Variants in SPEG observed in about 807,000 individuals in gnomAD.
SPEG encodes striated muscle preferentially expressed protein kinase.
A neutral mutation model predicts 300.4 loss-of-function variants in SPEG; 114 were observed. The observed-to-expected ratio is 0.38, with a 90% CI of 0.33 to 0.44. The LOEUF is 0.44. Ranked by LOEUF, SPEG falls within the 20% of genes least tolerant of loss-of-function variation. The pLI is 1.00. For synonymous variants in SPEG, 1,964 were observed against 2,018.9 expected (o/e 0.97, Z 0.73); for missense variants, 4,201 against 4,586.2 (o/e 0.92, Z 2.43).
chr2:219,483,977 G>T lies in SPEG; in HGVS notation c.6514G>T (p.Glu2172Ter). ...GTCTCCTTCCCTGTCTGCCCTCAGCGAGGCCCAGCCATCCAGCCCTGCACG... is the reference window on the plus strand; with the variant it reads ...GTCTCCTTCCCTGTCTGCCCTCAGCTAGGCCCAGCCATCCAGCCCTGCACG... The part of the protein sequence containing the change: ...QESPSLSALS[E>*]AQPSSPARPS... Residue 2172 changes from glutamate (E) to a stop codon, truncating the protein, a stop_gained, in exon 30 of 41, where the codon GAG becomes TAG. Transcript: ENST00000312358. LOFTEE classifies it high-confidence loss of function. 6.2e-7 allele frequency: 1 copy of T among 1,610,170 alleles called. No homozygotes were observed.
chr2:219,484,450 G>T lies in SPEG; in HGVS notation c.6987G>T (p.Ser2329=), dbSNP rs368733695. 1 of 1,611,272 alleles carries T rather than the reference G, an allele frequency of 6.2e-7. No homozygotes were observed. The highest frequency in any genetic ancestry group is 2.2e-5 in the East Asian group (1 of 44,862). ...SLSSSIENLE[S]EAVFEAKFKR... ...GTAGCAGCATCGAAAACTTGGAGTC[G>T]GAGGCCGTGTTCGAGGCCAAGTTCA... is the stretch of plus-strand genomic sequence containing the variant. The change falls in exon 30 of 41, where the codon TCG becomes TCT. Residue 2329 remains serine, a synonymous_variant. Coordinates refer to ENST00000312358, the MANE Select transcript of SPEG (RefSeq NM_005876.5).
chr2:219,472,375 G>A (rs766027534), intron 15 of SPEG, 44 bp downstream of exon 15: 1 of 1,548,936 alleles, frequency 6.5e-7, no homozygotes, highest in African/African-American at 1.4e-5. Flanking sequence ...AAGGGGTGTG[G>A]AGAAGGCAGG....
At position 219,448,877 on chromosome 2, in the gene SPEG, C is replaced by CCG; in HGVS notation, c.1722_1723dup (p.Gly575AlafsTer25). The CCG allele has an allele frequency of 7.1e-7, 1 of 1,409,064 alleles. No individual in the cohort carries two copies. Among genetic ancestry groups the CCG allele is most frequent in the Non-Finnish European group, 9.2e-7 (1 of 1,090,424 alleles). The allele number at this position is 1,409,064 out of a possible 1,614,324, so 87.3% of individuals were successfully genotyped here. On this transcript the variant is annotated frameshift_variant, in exon 4 of 41. Transcript: ENST00000312358. LOFTEE classifies it high-confidence loss of function. ...GGGACGAGCCTGGGAGGCCCAGGAG[C>CCG]CGCGGGCCGGCGGGCAGGACAGAGC...
chr2:219,481,342 G>A lies in SPEG; in HGVS notation c.5408G>A (p.Arg1803Gln), dbSNP rs758331776. 6.2e-6 allele frequency: 10 copies of A among 1,613,968 alleles called. No homozygotes were observed. The African/African-American group carries it at 6.7e-5, about 11-fold the overall frequency. ...GISPFVGEND[R>Q]TTLMNIRNYN... ...TCCCCGTTTGTTGGGGAAAATGACC[G>A]GACAACATTGATGAACATCCGAAAC... Residue 1803 changes from arginine to glutamine, a missense_variant, in exon 27 of 41, where the codon CGG (arginine) becomes CAG (glutamine). Around this residue, in one of 4 missense-constraint regions of SPEG, gnomAD observed 1,047 missense variants for 1,356.8 expected, o/e 0.77. Transcript: ENST00000312358. The surrounding 1 kb of genome is among the most constrained non-coding windows in gnomAD (Gnocchi z 5.4).
chr2:219,488,380 C>T, intron 32 of SPEG, 70 bp downstream of exon 32: 1 of 1,509,824 alleles, frequency 6.6e-7, no homozygotes. Flanking sequence ...ATGGGAGGGG[C>T]TAGGCCGGAG....
At chr2:219,466,644 G>A (rs1049248337) in intron 9 of SPEG, 1 of 1,004,708 alleles carries the variant, frequency 1.0e-6, no homozygotes, top group Non-Finnish European at 1.2e-6. Flanking sequence ...GAGGCCCCAG[G>A]CTCTGTGCTG....
In SPEG at chr2:219,484,435, C is replaced by G; in HGVS notation, c.6972C>G (p.Ile2324Met). ...CAGGCAGCAGTCTCAGTAGCAGCATCGAAAACTTGGAGTCGGAGGCCGTGT... is the reference window on the plus strand; with the variant it reads ...CAGGCAGCAGTCTCAGTAGCAGCATGGAAAACTTGGAGTCGGAGGCCGTGT... ...PRPGSSLSSS[I>M]ENLESEAVFE... Residue 2324 changes from isoleucine to methionine, a missense_variant, in exon 30 of 41, where the codon ATC (isoleucine) becomes ATG (methionine). By Grantham distance (10) the Ile-to-Met change is conservative. Transcript: ENST00000312358. 1.2e-6 allele frequency: 2 copies of G among 1,611,492 alleles called. No homozygotes were observed. Among genetic ancestry groups the G allele is most frequent in the East Asian group, 2.2e-5 (1 of 44,844 alleles).
intron 3 of SPEG, 74 bp from the exon 4 acceptor site, chr2:219,447,899 AT>A (rs914522549): frequency 1.4e-6 from 2 of 1,419,290 alleles, no homozygotes; most frequent in African/African-American, 2.8e-5. Context: ...CCACCACCCA[AT>A]TCCTGTCACA....
chr2:219,492,156 G>A lies in SPEG; in HGVS notation c.9507G>A (p.Thr3169=), dbSNP rs377095450. The change falls in exon 40 of 41, where the codon ACG becomes ACA. Residue 3169 remains threonine (T), a synonymous_variant. Coordinates refer to ENST00000312358, the MANE Select transcript of SPEG (RefSeq NM_005876.5). ...SPFYEPDPQE[T]EARIVGGRFD... is the part of the protein sequence containing the mutation. ...TCTATGAGCCAGACCCCCAGGAAAC[G>A]GAGGCTCGGATTGTGGGGGGCCGCT... 22 of 1,613,566 alleles carry A rather than the reference G, an allele frequency of 1.4e-5. No homozygotes were observed. Among genetic ancestry groups the A allele is most frequent in the Admixed American group, 6.7e-5 (4 of 59,974 alleles).
At position 219,480,825 on chromosome 2, in the gene SPEG, G is replaced by T. The variant is rs1692773700; in HGVS notation, c.5369+128G>T. ...TCTTGCACTGCAAGGAGCCTCATGT[G>T]CATGAAGGTGGACACCCCTGTCTGC... is the stretch of plus-strand genomic sequence containing the variant. On this transcript the variant is annotated intron_variant, in intron 26 of 40. Coordinates refer to ENST00000312358, the MANE Select transcript of SPEG (RefSeq NM_005876.5). This position sits in a 1 kb window ranked among gnomAD's most constrained non-coding sequence, Gnocchi z 5.3. 1.1e-6 allele frequency: 1 copy of T among 891,742 alleles called. No individual in the cohort carries two copies. Among genetic ancestry groups the T allele is most frequent in the South Asian group, 1.4e-5 (1 of 70,640 alleles). 55.2% of individuals were successfully genotyped at this position (891,742 alleles called of 1,614,324 possible). A position where few individuals can be genotyped will look rare whatever the true frequency, so the allele number is the denominator to read the frequency against.
rs918980801 is a variant in SPEG at position 219,469,239 on chromosome 2, G to A, written c.3575G>A (p.Arg1192Gln). The A allele has an allele frequency of 5.6e-6, 9 of 1,613,626 alleles. No individual in the cohort carries two copies. The highest frequency in any genetic ancestry group is 2.2e-5 in the East Asian group (1 of 44,886). ...LERLSIPDFL[R>Q]PLQDLEVGLA... ...CGGCTGTCCATTCCTGACTTCCTGCGGCCACTGCAGGACCTGGAGGTGGGA... is the reference window on the plus strand; with the variant it reads ...CGGCTGTCCATTCCTGACTTCCTGCAGCCACTGCAGGACCTGGAGGTGGGA... Residue 1192 changes from arginine (R) to glutamine (Q), a missense_variant, in exon 13 of 41, where the codon CGG (arginine) becomes CAG (glutamine). By Grantham distance (43) the Arg-to-Gln change is conservative. This residue lies in a region of SPEG where 1,047 missense variants were observed against 1,356.8 expected (regional missense o/e 0.77). Coordinates refer to ENST00000312358, the MANE Select transcript of SPEG (RefSeq NM_005876.5).
In SPEG at chr2:219,464,571, T is replaced by G; in HGVS notation, c.2844T>G (p.Tyr948Ter). 1 of 1,614,258 alleles carries G rather than the reference T, an allele frequency of 6.2e-7. No individual in the cohort carries two copies. Among genetic ancestry groups the G allele is most frequent in the Non-Finnish European group, 8.5e-7 (1 of 1,180,042 alleles). ...GFYTCKAVNEYGARQCEARLE... is the reference protein window; with the variant it reads ...GFYTCKAVNE ...ACACTTGCAAAGCGGTCAATGAGTA[T>G]GGTGCTCGGCAGTGCGAGGCCCGCT... is the stretch of plus-strand genomic sequence containing the variant. The change falls in exon 9 of 41, where the codon TAT becomes TAG. Residue 948 changes from tyrosine (Y) to a stop codon, truncating the protein, a stop_gained. Transcript: ENST00000312358. LOFTEE classifies it high-confidence loss of function. This position sits in a 1 kb window ranked among gnomAD's most constrained non-coding sequence, Gnocchi z 4.5.
At chr2:219,461,125 TG>T (rs1690648998) in intron 6 of SPEG, 1 of 902,702 alleles carries the variant, frequency 1.1e-6, no homozygotes, top group African/African-American at 1.8e-5. Flanking sequence ...ACTGGGACCC[TG>T]GCCAGTTGCA....
At position 219,483,212 on chromosome 2, in the gene SPEG, G is replaced by A. The variant is rs745788608; in HGVS notation, c.5749G>A (p.Gly1917Arg). 1.9e-6 allele frequency: 3 copies of A among 1,610,064 alleles called. No homozygotes were observed. The Admixed American group carries it at 5.0e-5, about 27-fold the overall frequency. ...TMPRRPPPSG[G>R]LSSSSDSEEE... ...GCCCAGAAGGCCACCCCCCAGTGGG[G>A]GGCTCTCATCCTCCTCGGATTCTGA... Residue 1917 changes from glycine to arginine, a missense_variant, in exon 30 of 41, where the codon GGG becomes AGG. Physicochemically the swap from Gly to Arg is moderately radical, Grantham distance 125. Around this residue, in one of 4 missense-constraint regions of SPEG, gnomAD observed 1,578 missense variants for 1,506.0 expected, o/e 1.05. Transcript: ENST00000312358.
In SPEG at chr2:219,468,979, C is replaced by T. The variant is rs368600044; in HGVS notation, c.3422C>T (p.Thr1141Ile). Reference sequence around the variant, plus strand: ...CTCTATGCGGTCAGTGCTGTTAACACCCATGGCCAGGCCCACTGCTCAGCC... The same window carrying T: ...CTCTATGCGGTCAGTGCTGTTAACATCCATGGCCAGGCCCACTGCTCAGCC... ...EGLYAVSAVNTHGQAHCSAQL... is the reference protein window; with the variant it reads ...EGLYAVSAVNIHGQAHCSAQL... Residue 1141 changes from threonine (T) to isoleucine (I), a missense_variant, in exon 12 of 41, where the codon ACC becomes ATC. By Grantham distance (89) the Thr-to-Ile change is moderately conservative (BLOSUM62 -1). Coordinates refer to ENST00000312358, the MANE Select transcript of SPEG (RefSeq NM_005876.5). 6.2e-7 allele frequency: 1 copy of T among 1,613,824 alleles called. No individual in the cohort carries two copies. Among genetic ancestry groups the T allele is most frequent in the African/African-American group, 1.3e-5 (1 of 74,928 alleles).
At chr2:219,487,132 C>T (rs1270641118) in intron 31 of SPEG, among the ~76,000 whole-genome samples, 1 of 152,180 alleles carries the variant, frequency 6.6e-6, no homozygotes, top group African/African-American at 2.4e-5. Context: ...CCACCACCCC[C>T]ATGGCCCAGC....
intron 9 of SPEG, chr2:219,465,877 G>C (rs564959341): frequency 7.9e-6 from 5 of 630,578 alleles, no homozygotes; most frequent in African/African-American, 3.6e-5. Flanking sequence ...GCGTGTGTGC[G>C]TGCGTGTGCA....
intron 35 of SPEG, 30 bp from the exon 36 acceptor site, chr2:219,489,306 A>C: frequency 6.2e-7 from 1 of 1,613,488 alleles, no homozygotes; most frequent in Non-Finnish European, 8.5e-7. Flanking sequence ...GCCCCAAGGC[A>C]CCACGGTGAT....
At position 219,451,816 on chromosome 2, in the gene SPEG, C is replaced by A; in HGVS notation, c.2440+9C>A. ...ACTGACCGTGAGACCCGGTAGGGAG[C>A]CCATCAACCCTGGGGCTGGGTGGGG... On this transcript the variant is annotated intron_variant, in intron 6 of 40. Transcript: ENST00000312358. This position sits in a 1 kb window ranked among gnomAD's most constrained non-coding sequence, Gnocchi z 6.4. 6.6e-7 allele frequency: 1 copy of A among 1,523,402 alleles called. No homozygotes were observed. The allele number at this position is 1,523,402 out of a possible 1,614,324, so 94.4% of individuals were successfully genotyped here.
Sources: allele counts gnomAD v4.1 joint callset (sites outside exome capture counted in the v4.1 genomes callset), GRCh38; gene constraint gnomAD v4.1.1; regional missense constraint gnomAD v4.1.1; non-coding constraint Gnocchi (gnomAD v3.1); transcripts MANE v1.5; gene names NCBI Gene and HGNC (gene_info 2026-07-23, HGNC 2026-07-21).